Variants in HIP1R observed in about 807,000 individuals in gnomAD.
HIP1R encodes huntingtin-interacting protein 1-related protein.
A neutral mutation model predicts 144.2 loss-of-function variants in HIP1R; 135 were observed. That is an observed-to-expected ratio of 0.94 (90% CI 0.81 to 1.08). The LOEUF is 1.08. HIP1R is among the 50% of genes least tolerant of loss of function. The pLI, the probability that HIP1R is intolerant of heterozygous loss-of-function variation, is 0.00. For missense variants in HIP1R, 1,462 were observed against 1,432.8 expected, an observed-to-expected ratio of 1.02 and a Z score of -0.33; for synonymous variants, 698 against 612.8, an observed-to-expected ratio of 1.14 and a Z score of -2.05.
At chr12:122,845,755 C>T (rs1037670985) in intron 1 of HIP1R, among the ~76,000 whole-genome samples, 7 of 152,098 alleles carry the variant, frequency 4.6e-5, no homozygotes, top group South Asian at 2.1e-4. Flanking sequence ...TTCAACAGGG[C>T]GGCTGCAGGA....
chr12:122,859,138 C>T lies in HIP1R; in HGVS notation c.2236C>T (p.Arg746Trp), dbSNP rs760394973. The part of the protein sequence containing the change: ...MGQLQDQQAL[R>W]HMQASLVRTP... ...GCAGCTGCAGGACCAGCAGGCTCTGCGGCACATGCAGGCCAGCCTGGTGCG... is the reference window on the plus strand; with the variant it reads ...GCAGCTGCAGGACCAGCAGGCTCTGTGGCACATGCAGGCCAGCCTGGTGCG... Residue 746 changes from arginine (R) to tryptophan (W), a missense_variant, in exon 22 of 32, where the codon CGG becomes TGG. Physicochemically the swap from Arg to Trp is moderately radical, Grantham distance 101. This residue lies in a region of HIP1R where 1,112 missense variants were observed against 1,011.7 expected (regional missense o/e 1.10). Coordinates refer to ENST00000253083, the MANE Select transcript of HIP1R (RefSeq NM_003959.3). 19 of 1,588,958 alleles carry T rather than the reference C, an allele frequency of 1.2e-5. No individual in the cohort carries two copies. The highest frequency in any genetic ancestry group is 6.8e-5 in the South Asian group (6 of 88,040).
In HIP1R at chr12:122,860,207, C is replaced by T. The variant is rs1370004346; in HGVS notation, c.2556C>T (p.Gly852=). The T allele has an allele frequency of 6.4e-7, 1 of 1,560,342 alleles. No individual in the cohort carries two copies. Among genetic ancestry groups the T allele is most frequent in the Non-Finnish European group, 8.7e-7 (1 of 1,154,504 alleles). ...TGCAGAAGGAGATCGTGGAGAGCGG[C>T]AGGGTGAGGGGCCGGCGGCAGCAGG... The part of the protein sequence containing the change: ...TSLQKEIVES[G]RGAATQQEFY... Residue 852 remains glycine (G), a synonymous_variant, in exon 26 of 32, where the codon GGC becomes GGT. Transcript: ENST00000253083.
At chr12:122,851,415 TG>T in intron 7 of HIP1R, 118 bp downstream of exon 7, 1 of 809,652 alleles carries the variant, frequency 1.2e-6, no homozygotes, top group Non-Finnish European at 1.8e-6. Context: ...GAAATGACCC[TG>T]GCCAGCCGCA....
rs1180084874 is a variant in HIP1R at position 122,861,013 on chromosome 12, C to T, written c.2864C>T (p.Ser955Leu). Reference sequence around the variant, plus strand: ...GCCAATGTGGTGGCCTCCACCAAGTCAGGCCAGGAGCAGATTGAGGACAGA... The same window carrying T: ...GCCAATGTGGTGGCCTCCACCAAGTTAGGCCAGGAGCAGATTGAGGACAGA... ...RAANVVASTK[S>L]GQEQIEDRDT... The change falls in exon 29 of 32, where the codon TCA (serine) becomes TTA (leucine). Residue 955 changes from serine to leucine, a missense_variant. Physicochemically the swap from Ser to Leu is moderately radical, Grantham distance 145 (BLOSUM62 -2). Coordinates refer to ENST00000253083, the MANE Select transcript of HIP1R (RefSeq NM_003959.3). 2.7e-5 allele frequency: 43 copies of T among 1,613,606 alleles called. No homozygotes were observed. Among genetic ancestry groups the T allele is most frequent in the Non-Finnish European group, 3.6e-5 (42 of 1,180,032 alleles).
intron 1 of HIP1R, among the ~76,000 whole-genome samples, chr12:122,841,126 C>T (rs778194366): frequency 1.1e-4 from 16 of 152,190 alleles, no homozygotes; most frequent in Non-Finnish European, 2.1e-4. Flanking sequence ...TGCCCTTACC[C>T]GCCCCCTCCC....
chr12:122,848,790 C>A lies in HIP1R; in HGVS notation c.301-6C>A. On this transcript the variant is annotated splice_region_variant and splice_polypyrimidine_tract_variant and intron_variant, in intron 3 of 31. Coordinates refer to ENST00000253083, the MANE Select transcript of HIP1R (RefSeq NM_003959.3). ...CTCCCCCACTCCCGTATTCCCTGCG[C>A]TGCAGGTGCTGCATGACTGCCAGCG... The A allele has an allele frequency of 6.2e-7, 1 of 1,613,232 alleles. No individual in the cohort carries two copies. The highest frequency in any genetic ancestry group is 8.5e-7 in the Non-Finnish European group (1 of 1,179,982).
Position 122,861,346 on chromosome 12 carries a change from A to G in HIP1R, c.2991A>G (p.Glu997=). 6.2e-7 allele frequency: 1 copy of G among 1,613,522 alleles called. No individual in the cohort carries two copies. The highest frequency in any genetic ancestry group is 2.2e-5 in the East Asian group (1 of 44,858). ...VLELEKTLEA[E]RMRLGELRKQ... ...AGCTGGAGAAGACGCTGGAGGCTGA[A>G]CGCATGCGGCTGGGGGAGTTGCGGA... The change falls in exon 31 of 32, where the codon GAA becomes GAG. Residue 997 remains glutamate, a synonymous_variant. Transcript: ENST00000253083.
chr12:122,857,128 G>T lies in HIP1R; in HGVS notation c.1728G>T (p.Leu576=). 1 of 1,550,528 alleles carries T rather than the reference G, an allele frequency of 6.4e-7. No individual in the cohort carries two copies. Among genetic ancestry groups the T allele is most frequent in the Non-Finnish European group, 8.7e-7 (1 of 1,146,964 alleles). ...READLLAAQS[L]VRETEAALSR... is the part of the protein sequence containing the mutation. Reference sequence around the variant, plus strand: ...CAGACCTGCTGGCGGCGCAGAGCCTGGTGCGCGAGACAGAGGCGGCGCTGA... The same window carrying T: ...CAGACCTGCTGGCGGCGCAGAGCCTTGTGCGCGAGACAGAGGCGGCGCTGA... Residue 576 remains leucine (L), a synonymous_variant, in exon 18 of 32, where the codon CTG becomes CTT. Transcript: ENST00000253083.
chr12:122,856,638 G>A lies in HIP1R; in HGVS notation c.1532G>A (p.Ser511Asn), dbSNP rs773891735. The A allele has an allele frequency of 6.2e-7, 1 of 1,605,290 alleles. No homozygotes were observed. The highest frequency in any genetic ancestry group is 8.5e-7 in the Non-Finnish European group (1 of 1,176,042). The change falls in exon 17 of 32, where the codon AGC becomes AAC. Residue 511 changes from serine to asparagine, a missense_variant. Coordinates refer to ENST00000253083, the MANE Select transcript of HIP1R (RefSeq NM_003959.3). ...GTCCTGTCCCAGCTAGAGGAGAAGA[G>A]CGACCAGCTGGAGAAGCTCAAGAGG... The part of the protein sequence containing the change: ...RESELKLEEK[S>N]DQLEKLKREL...
In HIP1R at chr12:122,861,455, A is replaced by G. The variant is rs753270866; in HGVS notation, c.3100A>G (p.Thr1034Ala). 5.0e-6 allele frequency: 8 copies of G among 1,613,238 alleles called. No homozygotes were observed. In the South Asian group the frequency reaches 5.5e-5, roughly 11 times the overall value. Reference protein sequence around the residue: ...IRPSTAPRSVTTKKPPLAQKP... With the variant: ...IRPSTAPRSVATKKPPLAQKP... ...GCCCAGCACTGCCCCCCGAAGTGTA[A>G]CCACCAAGAAACCACCCCTGGCCCA... The change falls in exon 31 of 32, where the codon ACC (threonine) becomes GCC (alanine). Residue 1034 changes from threonine to alanine, a missense_variant. By Grantham distance (58) the Thr-to-Ala change is moderately conservative (BLOSUM62 0). Around this residue, in one of 2 missense-constraint regions of HIP1R, gnomAD observed 1,112 missense variants for 1,011.7 expected, o/e 1.10. Coordinates refer to ENST00000253083, the MANE Select transcript of HIP1R (RefSeq NM_003959.3).
At chr12:122,841,933 C>T (rs1234141545) in intron 1 of HIP1R, among the ~76,000 whole-genome samples, 2 of 152,132 alleles carry the variant, frequency 1.3e-5, no homozygotes, top group Non-Finnish European at 2.9e-5. Flanking sequence ...GACGGAGTGG[C>T]CAGGACCAAG....
At chr12:122,837,123 G>GT (rs949395178) in intron 1 of HIP1R, among the ~76,000 whole-genome samples, 22 of 152,302 alleles carry the variant, frequency 1.4e-4, no homozygotes, top group Admixed American at 1.2e-3. Context: ...TATTCACTGA[G>GT]TTTTTTCTCG....
chr12:122,835,636 A>G lies in HIP1R; in HGVS notation c.86A>G (p.Lys29Arg). ...SLEAEREQFDKTQAISISKAI... is the reference protein window; with the variant it reads ...SLEAEREQFDRTQAISISKAI... ...GAGGCCGAGCGCGAGCAGTTCGACA[A>G]GACCCAGGCGAGCGGGCGGCGGGCG... The change falls in exon 1 of 32, where the codon AAG becomes AGG. Residue 29 changes from lysine to arginine, a missense_variant. Lys to Arg is a conservative substitution (Grantham distance 26). This residue lies in a region of HIP1R where 350 missense variants were observed against 421.1 expected (regional missense o/e 0.83). Coordinates refer to ENST00000253083, the MANE Select transcript of HIP1R (RefSeq NM_003959.3). The G allele has an allele frequency of 2.5e-6, 3 of 1,187,528 alleles. No individual in the cohort carries two copies. Among genetic ancestry groups the G allele is most frequent in the Non-Finnish European group, 3.1e-6 (3 of 955,710 alleles). The allele number at this position is 1,187,528 out of a possible 1,614,324, so 73.6% of individuals were successfully genotyped here. A position where few individuals can be genotyped will look rare whatever the true frequency, so the allele number is the denominator to read the frequency against.
intron 7 of HIP1R, among the ~76,000 whole-genome samples, chr12:122,852,688 G>A (rs2033434701): frequency 1.3e-5 from 2 of 152,208 alleles, no homozygotes; most frequent in African/African-American, 2.4e-5. Flanking sequence ...ACATGCCTCA[G>A]CAGAGGCTGC....
intron 4 of HIP1R, 141 bp downstream of exon 4, chr12:122,848,993 G>A (rs867924774): frequency 1.2e-5 from 10 of 810,168 alleles, no homozygotes; most frequent in Middle Eastern, 2.4e-4. Flanking sequence ...GGGCAGCACG[G>A]GGAGATGCTG....
At chr12:122,857,588 T>C (rs1193435667) in intron 18 of HIP1R, 8 of 408,488 alleles carry the variant, frequency 2.0e-5, no homozygotes, top group Admixed American at 3.6e-5. Context: ...CTTGGATAGA[T>C]AGCTGATGTG....
rs777920361 is a variant in HIP1R, at chr12:122,860,154, C to T, written c.2503C>T (p.Arg835Trp). Residue 835 changes from arginine (R) to tryptophan (W), a missense_variant, in exon 26 of 32, where the codon CGG (arginine) becomes TGG (tryptophan). Physicochemically the swap from Arg to Trp is moderately radical, Grantham distance 101. Transcript: ENST00000253083. ...NSCTDLMKAIRLLVTTSTSLQ... is the reference protein window; with the variant it reads ...NSCTDLMKAIWLLVTTSTSLQ... ...GCTGTCTTGGTCTCGGCAGGCTATC[C>T]GGCTCCTGGTGACGACATCCACTAG... 14 of 1,578,846 alleles carry T rather than the reference C, an allele frequency of 8.9e-6. No homozygotes were observed. The African/African-American group carries it at 1.1e-4, about 12-fold the overall frequency.
At chr12:122,844,480 C>G (rs2033153488) in intron 1 of HIP1R, among the ~76,000 whole-genome samples, 1 of 152,186 alleles carries the variant, frequency 6.6e-6, no homozygotes, top group Admixed American at 6.5e-5. Flanking sequence ...CTGACCCAGC[C>G]AGACACCCCT....
intron 1 of HIP1R, among the ~76,000 whole-genome samples, chr12:122,846,761 G>A (rs994937616): frequency 6.6e-6 from 1 of 152,062 alleles, no homozygotes; most frequent in African/African-American, 2.4e-5. Context: ...GGCCGGGGGC[G>A]GCCCAGAGGC....
Sources: allele counts gnomAD v4.1 joint callset (sites outside exome capture counted in the v4.1 genomes callset), GRCh38; gene constraint gnomAD v4.1.1; regional missense constraint gnomAD v4.1.1; transcripts MANE v1.5; gene names NCBI Gene and HGNC (gene_info 2026-07-23, HGNC 2026-07-21).